The following FAM53B variants were observed in gnomAD, a reference collection of about 807,000 sequenced individuals.
FAM53B encodes the protein family with sequence similarity 53 member B, also known as protein FAM53B.
FAM53B carries 12 observed loss-of-function variants against 32.7 expected under a neutral mutation model. The ratio of observed to expected loss-of-function variants is 0.37; its 90% CI spans 0.24 to 0.59. FAM53B has a LOEUF of 0.59. Ranked by LOEUF, FAM53B falls within the 20% of genes least tolerant of loss-of-function variation. FAM53B has a pLI of 0.72. For missense variants in FAM53B, 477 were observed against 577.7 expected, an observed-to-expected ratio of 0.83 and a Z score of 1.79; for synonymous variants, 234 against 228.7, an observed-to-expected ratio of 1.02 and a Z score of -0.21.
At position 124,706,858 on chromosome 10, in the gene FAM53B, TCTGGGAAATGGCCAAATGTGGTCAA is replaced by T; in HGVS notation, c.-170_-146del. 1 of 1,486,698 alleles carries T rather than the reference TCTGGGAAATGGCCAAATGTGGTCAA, an allele frequency of 6.7e-7. No homozygotes were observed. Among genetic ancestry groups the T allele is most frequent in the East Asian group, 2.4e-5 (1 of 40,820 alleles). 92.1% of individuals were successfully genotyped at this position (1,486,698 alleles called of 1,614,324 possible). A position where few individuals can be genotyped will look rare whatever the true frequency, so the allele number is the denominator to read the frequency against. Reference sequence around the variant, plus strand: ...CCACTCACCCTTGGGGTGGGGCCCTTCTGGGAAATGGCCAAATGTGGTCAACTCCCTGGAAAGACAAAAGAAAAGC... The same window carrying T: ...CCACTCACCCTTGGGGTGGGGCCCTTCTCCCTGGAAAGACAAAAGAAAAGC... On this transcript the variant is annotated 5_prime_UTR_variant, in exon 2 of 5. Coordinates refer to ENST00000337318, the MANE Select transcript of FAM53B (RefSeq NM_014661.4).
At chr10:124,639,923 G>A (rs191013758) in intron 4 of FAM53B, among the ~76,000 whole-genome samples, 21 of 152,148 alleles carry the variant, frequency 1.4e-4, no homozygotes, top group Admixed American at 7.9e-4. Context: ...AACTCCCACC[G>A]AGAGGCAGTG....
chr10:124,647,750 TGTTGAG>T (rs1564866804), intron 4 of FAM53B, among the ~76,000 whole-genome samples: 2 of 151,904 alleles, frequency 1.3e-5, no homozygotes, highest in African/African-American at 4.8e-5. Context: ...CTCACTGAAG[TGTTGAG>T]GGCAGACCCA....
intron 4 of FAM53B, among the ~76,000 whole-genome samples, chr10:124,648,113 T>A (rs1949531226): frequency 6.6e-6 from 1 of 152,144 alleles, no homozygotes; most frequent in South Asian, 2.1e-4. Flanking sequence ...CAGGGCACAA[T>A]GGCACACCCT....
chr10:124,635,386 C>T (rs1042196161), intron 4 of FAM53B, among the ~76,000 whole-genome samples: 4 of 152,048 alleles, frequency 2.6e-5, no homozygotes, highest in East Asian at 1.9e-4. Flanking sequence ...CACGCTCGGC[C>T]GACACAATTA....
At chr10:124,671,283 G>A (rs1949706065) in intron 4 of FAM53B, 12 of 437,038 alleles carry the variant, frequency 2.7e-5, no homozygotes, top group South Asian at 1.9e-4. Context: ...TGCCTCTCAG[G>A]TCTTGCCCCA....
intron 4 of FAM53B, among the ~76,000 whole-genome samples, chr10:124,677,583 T>C (rs1031701193): frequency 1.8e-4 from 28 of 152,236 alleles, no homozygotes; most frequent in African/African-American, 6.5e-4. Flanking sequence ...CCATTAGGGC[T>C]TTCCTCGCTA....
intron 4 of FAM53B, among the ~76,000 whole-genome samples, chr10:124,652,396 T>C (rs545265228): frequency 6.6e-6 from 1 of 152,214 alleles, no homozygotes; most frequent in East Asian, 1.9e-4. Flanking sequence ...TGGGCTGAGT[T>C]CATGCTGTTG....
chr10:124,622,944 A>G lies in FAM53B; in HGVS notation c.*298T>C, dbSNP rs1344316687. ...CAACAGAGACTGCCCAACATCCCACAGGGAAAGAGGCAGAAAAGACGCAAA... is the reference window on the plus strand; with the variant it reads ...CAACAGAGACTGCCCAACATCCCACGGGGAAAGAGGCAGAAAAGACGCAAA... On this transcript the variant is annotated 3_prime_UTR_variant, in exon 5 of 5. Coordinates refer to ENST00000337318, the MANE Select transcript of FAM53B (RefSeq NM_014661.4). 9.5e-6 allele frequency: 3 copies of G among 316,200 alleles called. No individual in the cohort carries two copies. Among genetic ancestry groups the G allele is most frequent in the Admixed American group, 9.4e-5 (2 of 21,294 alleles). The allele number at this position is 316,200 out of a possible 1,614,324, so 19.6% of individuals were successfully genotyped here.
At chr10:124,687,386 G>A (rs1949809184) in intron 3 of FAM53B, among the ~76,000 whole-genome samples, 2 of 152,184 alleles carry the variant, frequency 1.3e-5, no homozygotes, top group Admixed American at 6.5e-5. Flanking sequence ...GTCACTTGGT[G>A]TAGTGGAAAG....
At chr10:124,700,746 G>C (rs1026497179) in intron 2 of FAM53B, among the ~76,000 whole-genome samples, 1 of 152,194 alleles carries the variant, frequency 6.6e-6, no homozygotes, top group Non-Finnish European at 1.5e-5. Context: ...CCACAACCAC[G>C]GTTCTTGGTA....
At chr10:124,661,091 G>C (rs887933402) in intron 4 of FAM53B, among the ~76,000 whole-genome samples, 5 of 149,318 alleles carry the variant, frequency 3.3e-5, no homozygotes, top group African/African-American at 1.2e-4. Flanking sequence ...GCAATGGAAG[G>C]ATCTGGCCTG....
At chr10:124,672,222 T>C (rs1327383256) in intron 4 of FAM53B, among the ~76,000 whole-genome samples, 1 of 152,278 alleles carries the variant, frequency 6.6e-6, no homozygotes, top group African/African-American at 2.4e-5. Flanking sequence ...CCAGCCGTGC[T>C]GGGCTCTGGG....
intron 4 of FAM53B, among the ~76,000 whole-genome samples, chr10:124,672,744 G>C (rs1318581976): frequency 6.6e-6 from 1 of 152,192 alleles, no homozygotes; most frequent in Non-Finnish European, 1.5e-5. Context: ...GCAAACTGAG[G>C]GCTGACAGGA....
intron 4 of FAM53B, among the ~76,000 whole-genome samples, chr10:124,671,440 G>A (rs911801354): frequency 2.6e-5 from 4 of 152,228 alleles, no homozygotes; most frequent in African/African-American, 4.8e-5. Flanking sequence ...TGGCTTTTCA[G>A]ATTTTCAGAA....
chr10:124,642,568 A>G (rs1949483951), intron 4 of FAM53B, among the ~76,000 whole-genome samples: 1 of 152,246 alleles, frequency 6.6e-6, no homozygotes. Flanking sequence ...CACAGCAGCC[A>G]GAATGGTTGC....
chr10:124,630,605 G>A (rs953057069), intron 4 of FAM53B, among the ~76,000 whole-genome samples: 1 of 152,174 alleles, frequency 6.6e-6, no homozygotes, highest in Non-Finnish European at 1.5e-5. Flanking sequence ...GGGAAATCAG[G>A]TTGCCAGGAG....
intron 4 of FAM53B, among the ~76,000 whole-genome samples, chr10:124,680,302 C>T (rs769058525): frequency 2.6e-5 from 4 of 152,206 alleles, no homozygotes; most frequent in Non-Finnish European, 5.9e-5. Context: ...AAGCATACCA[C>T]CATCTTGCCC....
intron 3 of FAM53B, among the ~76,000 whole-genome samples, chr10:124,685,567 G>A (rs1454174124): frequency 3.9e-5 from 6 of 152,242 alleles, no homozygotes; most frequent in Admixed American, 2.0e-4. Flanking sequence ...CGGTGCTCAC[G>A]GAGCCTGAGA....
intron 4 of FAM53B, among the ~76,000 whole-genome samples, chr10:124,627,953 C>G (rs563404283): frequency 2.0e-5 from 3 of 152,178 alleles, no homozygotes; most frequent in Non-Finnish European, 2.9e-5. Flanking sequence ...TAGGTACAAG[C>G]TGAAATACAG....
Sources: allele counts gnomAD v4.1 joint callset (sites outside exome capture counted in the v4.1 genomes callset), GRCh38; gene constraint gnomAD v4.1.1; transcripts MANE v1.5; gene names NCBI Gene and HGNC (gene_info 2026-07-23, HGNC 2026-07-21).